Variants in GPCPD1 observed in about 807,000 individuals in gnomAD.
The protein encoded by GPCPD1 is glycerophosphocholine phosphodiesterase GPCPD1.
A neutral mutation model predicts 89.2 loss-of-function variants in GPCPD1; 29 were observed. The ratio of observed to expected loss-of-function variants is 0.33; its 90% confidence interval spans 0.24 to 0.44. The LOEUF is 0.44. GPCPD1 is among the 20% of genes least tolerant of loss of function. The probability of loss-of-function intolerance (pLI) is 1.00; values close to 1 mark genes in which losing one functional copy is unlikely to be tolerated. For missense variants in GPCPD1, 594 were observed against 808.9 expected, an observed-to-expected ratio of 0.73 and a Z score of 3.22; for synonymous variants, 258 against 266.3, an observed-to-expected ratio of 0.97 and a Z score of 0.30.
chr20:5,590,591 C>T (rs1291793708), intron 4 of GPCPD1, among the ~76,000 whole-genome samples: 1 of 148,544 alleles, frequency 6.7e-6, no homozygotes, highest in Non-Finnish European at 1.5e-5. Context: ...GAAACAGTCA[C>T]CTAGGCATGA....
chr20:5,567,599 A>G (rs762621216), intron 12 of GPCPD1, 39 bp from the exon 13 acceptor site: 31 of 1,509,912 alleles, frequency 2.1e-5, no homozygotes, highest in East Asian at 4.7e-5. Flanking sequence ...AAAAGAAAGA[A>G]TAAAGAAAAT....
intron 19 of GPCPD1, chr20:5,548,881 G>T: frequency 9.8e-7 from 1 of 1,022,978 alleles, no homozygotes; most frequent in Non-Finnish European, 1.4e-6. Context: ...ATCCCCCTGT[G>T]AAGAGGAGAA....
At chr20:5,580,614 T>C (rs1355344873) in intron 6 of GPCPD1, among the ~76,000 whole-genome samples, 1 of 150,546 alleles carries the variant, frequency 6.6e-6, no homozygotes, top group Non-Finnish European at 1.5e-5. Context: ...TAGTCCCAGC[T>C]GCTTGGGAGG....
At chr20:5,598,224 C>CACCAAAAACAAA (rs1182588468) in intron 3 of GPCPD1, among the ~76,000 whole-genome samples, 2 of 151,792 alleles carry the variant, frequency 1.3e-5, no homozygotes, top group Non-Finnish European at 2.9e-5. Context: ...GCCATCTCCA[C>CACCAAAAACAAA]ACCAAAAACA....
intron 6 of GPCPD1, among the ~76,000 whole-genome samples, 181 bp from the exon 7 acceptor site, chr20:5,580,312 G>A (rs556932495): frequency 4.6e-5 from 7 of 151,558 alleles, no homozygotes; most frequent in South Asian, 2.1e-4. Context: ...TGCCTAAACC[G>A]TTGTTCATAT....
chr20:5,560,131 G>C, intron 16 of GPCPD1, 55 bp from the exon 17 acceptor site: 1 of 1,298,258 alleles, frequency 7.7e-7, no homozygotes, highest in Non-Finnish European at 1.0e-6. Flanking sequence ...ATCAGTGCTA[G>C]CAACTCTGTT....
In GPCPD1 at chr20:5,547,581, G is replaced by C; in HGVS notation, c.*80C>G. ...TGAACTGAGAAGCCCAAAAGGCATA[G>C]ATCAACAATGCTCAGTGATGAAAAA... On this transcript the variant is annotated 3_prime_UTR_variant, in exon 20 of 20. Coordinates refer to ENST00000379019, the MANE Select transcript of GPCPD1 (RefSeq NM_019593.5). 5 of 704,454 alleles carry C rather than the reference G, an allele frequency of 7.1e-6. No individual in the cohort carries two copies. The highest frequency in any genetic ancestry group is 9.8e-6 in the Non-Finnish European group (4 of 409,658). The allele number at this position is 704,454 out of a possible 1,614,324, so 43.6% of individuals were successfully genotyped here. A position where few individuals can be genotyped will look rare whatever the true frequency, so the allele number is the denominator to read the frequency against.
intron 15 of GPCPD1, among the ~76,000 whole-genome samples, chr20:5,564,188 C>A (rs1986244155): frequency 6.6e-6 from 1 of 151,972 alleles, no homozygotes; most frequent in South Asian, 2.1e-4. Flanking sequence ...AGTCTTCATG[C>A]TAGTTTTTGT....
intron 2 of GPCPD1, among the ~76,000 whole-genome samples, chr20:5,603,847 A>C (rs992550515): frequency 6.6e-6 from 1 of 151,966 alleles, no homozygotes; most frequent in South Asian, 2.1e-4. Flanking sequence ...CCTGGGTTCA[A>C]GCAATTCTCC....
intron 19 of GPCPD1, among the ~76,000 whole-genome samples, chr20:5,555,314 G>C (rs760555277): frequency 1.1e-4 from 17 of 152,166 alleles, no homozygotes; most frequent in Admixed American, 2.6e-4. Flanking sequence ...AAGGCAGGCA[G>C]ATCACCTGAG....
Position 5,545,160 on chromosome 20 carries a change from G to C in GPCPD1, c.*2501C>G, listed in dbSNP as rs1024125966. The C allele has an allele frequency of 6.6e-6, 1 of 152,104 alleles. No homozygotes were observed. 9.4% of individuals were successfully genotyped at this position (152,104 alleles called of 1,614,324 possible). A position where few individuals can be genotyped will look rare whatever the true frequency, so the allele number is the denominator to read the frequency against. ...TTCACATCAATAAACCATCCTAATTGTTAAAATGCAAACCAATTCAAAGTT... is the reference window on the plus strand; with the variant it reads ...TTCACATCAATAAACCATCCTAATTCTTAAAATGCAAACCAATTCAAAGTT... On this transcript the variant is annotated 3_prime_UTR_variant, in exon 20 of 20. Coordinates refer to ENST00000379019, the MANE Select transcript of GPCPD1 (RefSeq NM_019593.5).
chr20:5,573,797 A>G (rs1986855126), intron 11 of GPCPD1, 118 bp downstream of exon 11: 1 of 759,152 alleles, frequency 1.3e-6, no homozygotes, highest in South Asian at 1.5e-5. Context: ...GATCTTCACC[A>G]TGGATCTGAA....
rs1978354075 is a variant in GPCPD1 at position 5,580,129 on chromosome 20, C to A, written c.352G>T (p.Gly118Cys). The part of the protein sequence containing the change: ...IDDGQFGIHN[G>C]VETLDSGWLT... ...CATCCAGAATCCAGAGTTTCAACAC[C>A]ATCTGACAGAATAAATATGAAGAAC... The change falls in exon 7 of 20, where the codon GGT becomes TGT. Residue 118 changes from glycine to cysteine, a missense_variant and splice_region_variant. By Grantham distance (159) the Gly-to-Cys change is radical (BLOSUM62 -3). Transcript: ENST00000379019. 5 of 1,447,828 alleles carry A rather than the reference C, an allele frequency of 3.5e-6. No homozygotes were observed. The highest frequency in any genetic ancestry group is 4.8e-6 in the Non-Finnish European group (5 of 1,038,370). 89.7% of individuals were successfully genotyped at this position (1,447,828 alleles called of 1,614,324 possible).
chr20:5,549,458 A>G, intron 19 of GPCPD1: 1 of 1,204,644 alleles, frequency 8.3e-7, no homozygotes, highest in Non-Finnish European at 1.2e-6. Flanking sequence ...CAGCTCCACC[A>G]CTAAAAATAG....
intron 6 of GPCPD1, among the ~76,000 whole-genome samples, chr20:5,581,843 T>TTTTTTTTTTTTTTTC (rs1978518134): frequency 7.7e-6 from 1 of 129,042 alleles, no homozygotes; most frequent in Non-Finnish European, 1.7e-5. Context: ...TTTTTTTTTT[T>TTTTTTTTTTTTTTTC]TTTTGCAGAA....
At chr20:5,606,191 A>G (rs1775375564) in intron 1 of GPCPD1, among the ~76,000 whole-genome samples, 1 of 152,178 alleles carries the variant, frequency 6.6e-6, no homozygotes, top group Admixed American at 6.5e-5. Flanking sequence ...ATGTACATAT[A>G]ATATACTTCG....
chr20:5,589,555 T>C (rs1454123112), intron 4 of GPCPD1, among the ~76,000 whole-genome samples: 1 of 152,238 alleles, frequency 6.6e-6, no homozygotes, highest in Middle Eastern at 3.4e-3. Context: ...GAGGTTGCAA[T>C]GAGCCATTAC....
chr20:5,558,474 A>T (rs1985900768), intron 18 of GPCPD1, among the ~76,000 whole-genome samples: 1 of 152,216 alleles, frequency 6.6e-6, no homozygotes. Context: ...TAAACTAAAA[A>T]ATTTAACGTA....
chr20:5,549,878 A>G (rs374578923), intron 19 of GPCPD1, among the ~76,000 whole-genome samples: 10 of 152,150 alleles, frequency 6.6e-5, no homozygotes, highest in African/African-American at 1.9e-4. Context: ...TGGAAATTAA[A>G]GACACAATAG....
Sources: gnomAD v4.1 joint callset for allele counts (sites outside exome capture counted in the v4.1 genomes callset) on GRCh38, gnomAD v4.1.1 for gene constraint, MANE v1.5 for transcripts, NCBI Gene and HGNC (gene_info 2026-07-23, HGNC 2026-07-21) for gene names.